Variants in SH3BGRL2 observed in about 807,000 individuals in gnomAD.
SH3BGRL2 encodes SH3 domain binding glutamate rich protein like 2.
Under a neutral mutation model 14.8 loss-of-function variants are expected in SH3BGRL2, and 21 were observed. The observed-to-expected ratio is 1.42, with a 90% CI of 1.01 to 2.05. The LOEUF is 2.05. SH3BGRL2 is among the 30% of genes most tolerant of loss of function. The probability of loss-of-function intolerance (pLI) is 0.00; values close to 1 mark genes in which losing one functional copy is unlikely to be tolerated. For missense variants in SH3BGRL2, 147 were observed against 130.8 expected, an observed-to-expected ratio of 1.12 and a Z score of -0.61; for synonymous variants, 50 against 47.8, an observed-to-expected ratio of 1.05 and a Z score of -0.19.
the SH3BGRL2 span, among the ~76,000 whole-genome samples, chr6:79,573,219 C>T: frequency 6.6e-6 from 1 of 151,628 alleles, no homozygotes; most frequent in Non-Finnish European, 1.5e-5. Flanking sequence ...TGTATAGATA[C>T]CCATCATCTC....
At chr6:79,667,447 GTT>G (rs58887010) in intron 1 of SH3BGRL2, among the ~76,000 whole-genome samples, 1 of 147,036 alleles carries the variant, frequency 6.8e-6, no homozygotes, top group African/African-American at 2.5e-5. Flanking sequence ...TTTAGGCTAA[GTT>G]TTTTTTTTTT....
At chr6:79,662,241 C>T (rs6931512) in intron 1 of SH3BGRL2, among the ~76,000 whole-genome samples, 46,910 of 152,048 alleles carry the variant, frequency 0.31, 7,940 homozygotes, top group South Asian at 0.46. Flanking sequence ...TTCATAGCAT[C>T]GATGGTCTTT....
At chr6:79,654,135 A>G (rs938208083) in intron 1 of SH3BGRL2, among the ~76,000 whole-genome samples, 4 of 152,320 alleles carry the variant, frequency 2.6e-5, no homozygotes, top group East Asian at 3.9e-4. Context: ...TAATAGTCCA[A>G]ATCTTAAAAG....
intron 1 of SH3BGRL2, among the ~76,000 whole-genome samples, chr6:79,644,377 G>C (rs914431713): frequency 1.3e-5 from 2 of 152,152 alleles, no homozygotes; most frequent in Non-Finnish European, 2.9e-5. Flanking sequence ...GAAAGATTCA[G>C]TCAACACACA....
chr6:79,683,558 C>T (rs1345466375), intron 2 of SH3BGRL2, among the ~76,000 whole-genome samples: 1 of 151,740 alleles, frequency 6.6e-6, no homozygotes, highest in Non-Finnish European at 1.5e-5. Flanking sequence ...AAGCAATTTT[C>T]CTGCCTCAGC....
intron 2 of SH3BGRL2, among the ~76,000 whole-genome samples, chr6:79,687,416 A>T (rs2127737339): frequency 6.6e-6 from 1 of 152,018 alleles, no homozygotes; most frequent in Admixed American, 6.6e-5. Flanking sequence ...GTTGTCTTGA[A>T]CCTGTATGGT....
At chr6:79,553,885 T>G in the SH3BGRL2 span, among the ~76,000 whole-genome samples, 1 of 151,924 alleles carries the variant, frequency 6.6e-6, no homozygotes, top group Non-Finnish European at 1.5e-5. Context: ...GGAGAATCGC[T>G]TGAACCCGGG....
At chr6:79,587,710 A>T in the SH3BGRL2 span, among the ~76,000 whole-genome samples, 8 of 152,216 alleles carry the variant, frequency 5.3e-5, no homozygotes, top group East Asian at 1.2e-3. Flanking sequence ...CTGACAAAAG[A>T]TAAATTAACA....
rs527307916 is a variant in SH3BGRL2 at position 79,634,219 on chromosome 6, T to C, written c.45+2713T>C. ...TCTGATTCCCCTAAGCTCTCCAGCT[T>C]CAGCAGTTGGAATAACTAACACCAA... On this transcript the variant is annotated intron_variant, in intron 1 of 3. Transcript: ENST00000369838. Among the ~76,000 whole-genome samples the C allele has an allele frequency of 7.2e-5, 11 of 152,352 alleles. No individual in the cohort carries two copies. The South Asian group carries it at 2.1e-3, about 29-fold the overall frequency.
intron 1 of SH3BGRL2, among the ~76,000 whole-genome samples, chr6:79,657,805 T>C (rs979770802): frequency 2.6e-5 from 4 of 152,148 alleles, no homozygotes; most frequent in Non-Finnish European, 5.9e-5. Flanking sequence ...TAAATTTTAA[T>C]TTGCTTCTAG....
the SH3BGRL2 span, among the ~76,000 whole-genome samples, chr6:79,573,570 A>G: frequency 6.6e-6 from 1 of 152,164 alleles, no homozygotes; most frequent in Non-Finnish European, 1.5e-5. Flanking sequence ...TGGAATTGTG[A>G]TGAATTTGAA....
chr6:79,634,786 T>C lies in SH3BGRL2; in HGVS notation c.45+3280T>C, dbSNP rs79385912. 4.3e-4 allele frequency among the ~76,000 whole-genome samples: 65 copies of C among 152,126 alleles called. 3 individuals carry two copies. In the East Asian group the frequency reaches 0.012, roughly 29 times the overall value. On this transcript the variant is annotated intron_variant, in intron 1 of 3. Transcript: ENST00000369838. ...CTTGCAGGAACATTCTTACCAGAGA[T>C]AGAAAAATATAGGAGGCAGAGAGAT... is the stretch of plus-strand genomic sequence containing the variant.
the SH3BGRL2 span, among the ~76,000 whole-genome samples, chr6:79,614,663 A>G: frequency 5.1e-4 from 77 of 152,272 alleles, no homozygotes; most frequent in Non-Finnish European, 8.7e-4. Context: ...CCAAATTCCT[A>G]TGTTGAAGCC....
the SH3BGRL2 span, among the ~76,000 whole-genome samples, chr6:79,596,722 A>AT: frequency 6.6e-6 from 1 of 152,242 alleles, no homozygotes; most frequent in Admixed American, 6.5e-5. Context: ...TACAGATTCA[A>AT]TGCAATCCTT....
At chr6:79,560,336 G>C in the SH3BGRL2 span, among the ~76,000 whole-genome samples, 1 of 152,216 alleles carries the variant, frequency 6.6e-6, no homozygotes, top group Non-Finnish European at 1.5e-5. Context: ...TAGTAACCTA[G>C]TAACAGTAGA....
At chr6:79,611,386 G>C in the SH3BGRL2 span, among the ~76,000 whole-genome samples, 1 of 149,446 alleles carries the variant, frequency 6.7e-6, no homozygotes, top group Non-Finnish European at 1.5e-5. Flanking sequence ...TTGATCTTAA[G>C]TTAACTACAG....
the SH3BGRL2 span, among the ~76,000 whole-genome samples, chr6:79,572,244 T>C: frequency 2.6e-5 from 4 of 152,336 alleles, no homozygotes; most frequent in South Asian, 8.3e-4. Context: ...ATTTCATTAA[T>C]GTACCTGATG....
At chr6:79,628,282 T>G (rs1247263728), upstream of SH3BGRL2, among the ~76,000 whole-genome samples, 1 of 152,014 alleles carries the variant, frequency 6.6e-6, no homozygotes, top group Admixed American at 6.6e-5. Flanking sequence ...AGAAACTTTT[T>G]TTTTTTGAGA....
chr6:79,562,516 A>G, the SH3BGRL2 span, among the ~76,000 whole-genome samples: 2 of 152,162 alleles, frequency 1.3e-5, no homozygotes, highest in Non-Finnish European at 2.9e-5. Flanking sequence ...TAGAGATGAG[A>G]GTAAGTAACC....
Sources: allele counts gnomAD v4.1 joint callset (sites outside exome capture counted in the v4.1 genomes callset), GRCh38; gene constraint gnomAD v4.1.1; transcripts MANE v1.5; gene names NCBI Gene and HGNC (gene_info 2026-07-23, HGNC 2026-07-21).